The following GRID2 variants were observed in gnomAD, a reference collection of about 807,000 sequenced individuals.
GRID2 encodes glutamate receptor ionotropic, delta-2.
In GRID2, 33 loss-of-function variants were observed where a neutral mutation model predicts 114.8. The observed-to-expected ratio is 0.29, with a 90% CI of 0.22 to 0.38. GRID2 has a LOEUF of 0.38. Among genes scored for constraint, GRID2 ranks in the 10% least tolerant of loss-of-function variants. The probability of loss-of-function intolerance (pLI) is 1.00; values close to 1 mark genes in which losing one functional copy is unlikely to be tolerated. For synonymous variants in GRID2, 505 were observed against 449.9 expected (o/e 1.12, Z -1.55); for missense variants, 1,184 against 1,257.7 (o/e 0.94, Z 0.89).
At chr4:93,635,683 G>A (rs184408822) in intron 14 of GRID2, among the ~76,000 whole-genome samples, 92 of 152,114 alleles carry the variant, frequency 6.0e-4, no homozygotes, top group African/African-American at 2.2e-3. Flanking sequence ...CTGAATCCTT[G>A]TGGAGCTACT....
chr4:92,353,960 G>A (rs958602388), intron 1 of GRID2, among the ~76,000 whole-genome samples: 2 of 151,932 alleles, frequency 1.3e-5, no homozygotes, highest in East Asian at 1.9e-4. Context: ...TCAGGCATCC[G>A]CAGAATGTTT....
At chr4:93,562,363 G>A (rs1219189916) in intron 13 of GRID2, among the ~76,000 whole-genome samples, 6 of 151,852 alleles carry the variant, frequency 4.0e-5, no homozygotes. Flanking sequence ...ATCTGGTAAG[G>A]TCTTTGGCCC....
intron 10 of GRID2, among the ~76,000 whole-genome samples, chr4:93,430,797 C>T (rs1184479137): frequency 6.6e-6 from 1 of 152,060 alleles, no homozygotes; most frequent in Non-Finnish European, 1.5e-5. Context: ...AGGTAAATTT[C>T]CTGAAGGAGG....
Position 93,314,303 on chromosome 4 carries a change from CAAAAAAA to C in GRID2, c.1245+75833_1245+75839del, listed in dbSNP as rs56977080. ...TGGGTGACATCGTGAGAGTCTGTCT[CAAAAAAA>C]AAAAAAAAAAAAAAAAAAAGAAGAA... On this transcript the variant is annotated intron_variant, in intron 8 of 15. Coordinates refer to ENST00000282020, the MANE Select transcript of GRID2 (RefSeq NM_001510.4). 1.3e-3 allele frequency among the ~76,000 whole-genome samples: 70 copies of C among 54,176 alleles called. 1 individual carries two copies. Among genetic ancestry groups the C allele is most frequent in the African/African-American group, 4.0e-3 (58 of 14,644 alleles). The allele number at this position is 54,176 out of a possible 152,430, so 35.5% of individuals were successfully genotyped here.
At chr4:92,938,639 G>A (rs1302418392) in intron 2 of GRID2, among the ~76,000 whole-genome samples, 2 of 146,142 alleles carry the variant, frequency 1.4e-5, no homozygotes, top group Non-Finnish European at 1.5e-5. Flanking sequence ...ATGTATACAT[G>A]TACCATGTTG....
At chr4:92,467,312 T>C (rs1008930510) in intron 1 of GRID2, among the ~76,000 whole-genome samples, 8 of 151,964 alleles carry the variant, frequency 5.3e-5, no homozygotes, top group Non-Finnish European at 2.9e-5. Context: ...CCTTATATAT[T>C]ATGTATTATT....
rs150890530 is a variant in GRID2, at chr4:93,570,189, G to A, written c.2193+54778G>A. Among the ~76,000 whole-genome samples the A allele has an allele frequency of 5.5e-3, 838 of 152,208 alleles. 9 individuals carry two copies. The highest frequency in any genetic ancestry group is 0.019 in the African/African-American group (783 of 41,538). On this transcript the variant is annotated intron_variant, in intron 13 of 15. Transcript: ENST00000282020. Reference sequence around the variant, plus strand: ...ATATTACTTGTCCACAGTCACACAAGGTCACTCAGTAGCCAGTGGTGGAGC... The same window carrying A: ...ATATTACTTGTCCACAGTCACACAAAGTCACTCAGTAGCCAGTGGTGGAGC...
intron 8 of GRID2, among the ~76,000 whole-genome samples, chr4:93,357,193 A>G (rs1051422440): frequency 4.0e-5 from 6 of 151,348 alleles, no homozygotes; most frequent in African/African-American, 2.4e-5. Flanking sequence ...TTTCTCACCT[A>G]TCAAACTATA....
chr4:93,038,874 T>C (rs1578818451), intron 2 of GRID2, among the ~76,000 whole-genome samples: 1 of 150,802 alleles, frequency 6.6e-6, no homozygotes, highest in Non-Finnish European at 1.5e-5. Context: ...TTGGTGGGAG[T>C]GTAAATTTGT....
intron 8 of GRID2, among the ~76,000 whole-genome samples, chr4:93,350,495 A>T (rs1213231601): frequency 6.6e-6 from 1 of 152,092 alleles, no homozygotes; most frequent in Non-Finnish European, 1.5e-5. Context: ...TAAGATGCAG[A>T]TTGTGATCCA....
intron 2 of GRID2, among the ~76,000 whole-genome samples, chr4:92,699,317 C>T (rs1305248705): frequency 6.6e-6 from 1 of 152,046 alleles, no homozygotes; most frequent in Non-Finnish European, 1.5e-5. Context: ...TTTAAATATT[C>T]CAGTACATTT....
chr4:92,463,441 T>C (rs1412534789), intron 1 of GRID2, among the ~76,000 whole-genome samples: 2 of 152,048 alleles, frequency 1.3e-5, no homozygotes, highest in Non-Finnish European at 2.9e-5. Flanking sequence ...TAGGCCCTGC[T>C]TTTCATCATT....
chr4:92,495,705 T>G (rs114969367), intron 1 of GRID2, among the ~76,000 whole-genome samples: 1,648 of 151,984 alleles, frequency 0.011, 29 homozygotes, highest in African/African-American at 0.038. Context: ...TAATGTAATA[T>G]AAATAAAACA....
chr4:92,425,891 T>C (rs1192712578), intron 1 of GRID2, among the ~76,000 whole-genome samples: 1 of 152,144 alleles, frequency 6.6e-6, no homozygotes, highest in East Asian at 1.9e-4. Context: ...CTACTCAATA[T>C]GTATTAGGTG....
At chr4:92,855,177 T>C (rs1744088458) in intron 2 of GRID2, among the ~76,000 whole-genome samples, 1 of 152,026 alleles carries the variant, frequency 6.6e-6, no homozygotes, top group African/African-American at 2.4e-5. Context: ...GAATGACAAA[T>C]GAATGTCCTA....
intron 1 of GRID2, among the ~76,000 whole-genome samples, chr4:92,573,645 G>C (rs1727735948): frequency 6.6e-6 from 1 of 152,076 alleles, no homozygotes; most frequent in Non-Finnish European, 1.5e-5. Flanking sequence ...TGAATCTTGA[G>C]TTCTAATTTT....
intron 1 of GRID2, among the ~76,000 whole-genome samples, chr4:92,307,450 A>G (rs1435784209): frequency 6.6e-6 from 1 of 152,140 alleles, no homozygotes; most frequent in Non-Finnish European, 1.5e-5. Flanking sequence ...CACTGCTCTA[A>G]GAGGCTTTTT....
intron 13 of GRID2, among the ~76,000 whole-genome samples, chr4:93,531,047 T>A (rs1731389203): frequency 6.6e-6 from 1 of 152,184 alleles, no homozygotes; most frequent in Non-Finnish European, 1.5e-5. Flanking sequence ...TTTATGTAAC[T>A]GAGACTTATC....
intron 2 of GRID2, among the ~76,000 whole-genome samples, chr4:92,724,297 T>A (rs775368285): frequency 2.0e-5 from 3 of 152,082 alleles, no homozygotes; most frequent in Non-Finnish European, 4.4e-5. Flanking sequence ...ACCACCACTT[T>A]CCCATCCTTC....
Sources: allele counts gnomAD v4.1 joint callset (sites outside exome capture counted in the v4.1 genomes callset), GRCh38; gene constraint gnomAD v4.1.1; transcripts MANE v1.5; gene names NCBI Gene and HGNC (gene_info 2026-07-23, HGNC 2026-07-21).